The following HS6ST3 variants were observed in gnomAD, a reference collection of about 807,000 sequenced individuals.
HS6ST3 encodes heparan sulfate 6-O-sulfotransferase 3.
A neutral mutation model predicts 36.7 loss-of-function variants in HS6ST3; 12 were observed. The observed-to-expected ratio is 0.33, with a 90% CI of 0.21 to 0.53. The LOEUF (loss-of-function observed/expected upper bound fraction) is 0.53. Among genes scored for constraint, HS6ST3 ranks in the 20% least tolerant of loss-of-function variants. HS6ST3 has a pLI of 0.95. For missense variants in HS6ST3, 584 were observed against 640.9 expected, an observed-to-expected ratio of 0.91 and a Z score of 0.96; for synonymous variants, 240 against 257.5, an observed-to-expected ratio of 0.93 and a Z score of 0.65.
chr13:96,336,461 A>C (rs1176860252), intron 1 of HS6ST3, among the ~76,000 whole-genome samples: 1 of 152,208 alleles, frequency 6.6e-6, no homozygotes, highest in African/African-American at 2.4e-5. Flanking sequence ...TTATAGAGGT[A>C]ATTAAGTTAA....
At chr13:96,122,239 A>G (rs1243276780) in intron 1 of HS6ST3, among the ~76,000 whole-genome samples, 1 of 151,772 alleles carries the variant, frequency 6.6e-6, no homozygotes, top group Admixed American at 6.6e-5. Flanking sequence ...AGGATTTGAT[A>G]TCAGGAGTTC....
chr13:96,480,059 G>A (rs1174340784), intron 1 of HS6ST3, among the ~76,000 whole-genome samples: 1 of 152,078 alleles, frequency 6.6e-6, no homozygotes, highest in African/African-American at 2.4e-5. Context: ...TCCAGATATT[G>A]GAAAACACTA....
intron 1 of HS6ST3, among the ~76,000 whole-genome samples, chr13:96,193,653 A>G (rs2054299325): frequency 1.3e-5 from 2 of 152,212 alleles, no homozygotes. Flanking sequence ...TTTAAAAAGA[A>G]ATCTGAGAGG....
intron 1 of HS6ST3, among the ~76,000 whole-genome samples, chr13:96,154,953 T>C (rs1566895121): frequency 6.6e-6 from 1 of 152,078 alleles, no homozygotes; most frequent in Non-Finnish European, 1.5e-5. Context: ...ATAATACAAA[T>C]GTAGAACAAT....
intron 1 of HS6ST3, among the ~76,000 whole-genome samples, chr13:96,186,092 G>T (rs763553842): frequency 6.6e-6 from 1 of 152,118 alleles, no homozygotes; most frequent in Non-Finnish European, 1.5e-5. Context: ...GTGTATATGC[G>T]TGTATATGTA....
At chr13:96,613,452 A>T (rs891124576) in intron 1 of HS6ST3, among the ~76,000 whole-genome samples, 1 of 152,184 alleles carries the variant, frequency 6.6e-6, no homozygotes, top group Non-Finnish European at 1.5e-5. Context: ...ACAGGGACTC[A>T]GTTTCGTTCA....
chr13:96,238,776 C>T (rs749974858), intron 1 of HS6ST3, among the ~76,000 whole-genome samples: 7 of 152,168 alleles, frequency 4.6e-5, no homozygotes, highest in Admixed American at 2.0e-4. Context: ...TGTGCATAGT[C>T]GATAGCGTGC....
intron 1 of HS6ST3, among the ~76,000 whole-genome samples, chr13:96,632,955 C>T (rs2056536915): frequency 6.6e-6 from 1 of 152,150 alleles, no homozygotes; most frequent in Admixed American, 6.6e-5. Context: ...TCACTCAGGT[C>T]ATTTATTTGT....
chr13:96,578,362 C>T (rs2056329332), intron 1 of HS6ST3, among the ~76,000 whole-genome samples: 1 of 152,108 alleles, frequency 6.6e-6, no homozygotes, highest in Non-Finnish European at 1.5e-5. Flanking sequence ...ATCCACGTGG[C>T]AGTTTTCCAT....
intron 1 of HS6ST3, among the ~76,000 whole-genome samples, chr13:96,517,182 C>G (rs1352860909): frequency 6.6e-6 from 1 of 150,848 alleles, no homozygotes; most frequent in African/African-American, 2.4e-5. Flanking sequence ...AGTTTGAGAC[C>G]AACCTGGACA....
chr13:96,128,845 T>TC (rs369858226), intron 1 of HS6ST3, among the ~76,000 whole-genome samples: 3 of 150,824 alleles, frequency 2.0e-5, no homozygotes, highest in African/African-American at 7.4e-5. Flanking sequence ...TATTTTTTTT[T>TC]CCCCTGTGCT....
chr13:96,783,421 T>C (rs570101861), intron 1 of HS6ST3, among the ~76,000 whole-genome samples: 1 of 152,342 alleles, frequency 6.6e-6, no homozygotes, highest in East Asian at 1.9e-4. Context: ...AAATCTCTGC[T>C]ACTTCCTTAC....
intron 1 of HS6ST3, among the ~76,000 whole-genome samples, chr13:96,422,850 A>G (rs1252992626): frequency 6.6e-6 from 1 of 152,246 alleles, no homozygotes; most frequent in Non-Finnish European, 1.5e-5. Context: ...TACTTTTAAA[A>G]TAAGTTTTCT....
intron 1 of HS6ST3, among the ~76,000 whole-genome samples, chr13:96,349,659 T>G (rs557342907): frequency 1.3e-5 from 2 of 152,196 alleles, no homozygotes; most frequent in Admixed American, 1.3e-4. Context: ...CAAACTTGTA[T>G]TTTTGGACTT....
At chr13:96,675,549 T>C (rs1266755830) in intron 1 of HS6ST3, among the ~76,000 whole-genome samples, 1 of 152,116 alleles carries the variant, frequency 6.6e-6, no homozygotes, top group Non-Finnish European at 1.5e-5. Flanking sequence ...GTCATATCTG[T>C]GGAATGACAA....
intron 1 of HS6ST3, among the ~76,000 whole-genome samples, chr13:96,231,439 C>T (rs978946738): frequency 6.6e-6 from 1 of 152,034 alleles, no homozygotes; most frequent in African/African-American, 2.4e-5. Context: ...GTTGGGGAGG[C>T]CTCAGGAAAC....
At chr13:96,756,097 C>T (rs979443169) in intron 1 of HS6ST3, among the ~76,000 whole-genome samples, 9 of 152,138 alleles carry the variant, frequency 5.9e-5, no homozygotes. Context: ...CATTTTTATT[C>T]TTATTAGCCA....
intron 1 of HS6ST3, among the ~76,000 whole-genome samples, chr13:96,799,984 A>ATATATATATGTGTG (rs1878018254): frequency 6.5e-5 from 6 of 92,428 alleles, no homozygotes; most frequent in African/African-American, 3.1e-4. Flanking sequence ...ATATATATGT[A>ATATATATATGTGTG]TATATATATA....
chr13:96,725,181 T>C (rs113493587), intron 1 of HS6ST3, among the ~76,000 whole-genome samples: 1,847 of 152,342 alleles, frequency 0.012, 32 homozygotes, highest in African/African-American at 0.042. Context: ...TCTTTAGTAG[T>C]GTATCTCTTC....
Sources: gnomAD v4.1 joint callset for allele counts (sites outside exome capture counted in the v4.1 genomes callset) on GRCh38, gnomAD v4.1.1 for gene constraint, MANE v1.5 for transcripts, NCBI Gene and HGNC (gene_info 2026-07-23, HGNC 2026-07-21) for gene names.